Variants in SPATA13 observed in about 807,000 individuals in gnomAD.
SPATA13 encodes the protein spermatogenesis-associated protein 13.
A neutral mutation model predicts 104.0 loss-of-function variants in SPATA13; 50 were observed. The observed-to-expected ratio is 0.48, with a 90% CI of 0.38 to 0.61. SPATA13 has a LOEUF of 0.61. SPATA13 is among the 20% of genes least tolerant of loss of function. The pLI is 0.00. For missense variants in SPATA13, 1,524 were observed against 1,690.6 expected (o/e 0.90, Z 1.73); for synonymous variants, 606 against 667.5 (o/e 0.91, Z 1.42).
chr13:24,300,606 A>C (rs141745793), intron 12 of SPATA13, 131 bp downstream of exon 12: 1 of 814,366 alleles, frequency 1.2e-6, no homozygotes, highest in Non-Finnish European at 2.1e-6. Context: ...ACTCAAGGGC[A>C]GGTCCAGAAC....
chr13:24,081,301 A>G (rs140952285), intron 3 of SPATA13, among the ~76,000 whole-genome samples: 10 of 152,324 alleles, frequency 6.6e-5, no homozygotes, highest in Admixed American at 5.9e-4. Flanking sequence ...CCGGTAATCT[A>G]TATGAGGCCC....
At chr13:24,229,436 A>G (rs1333499649) in intron 2 of SPATA13, among the ~76,000 whole-genome samples, 1 of 152,132 alleles carries the variant, frequency 6.6e-6, no homozygotes, top group Non-Finnish European at 1.5e-5. Context: ...TCTCAAGGGT[A>G]GGATATGGAG....
At chr13:24,074,384 A>G (rs1183592521) in intron 3 of SPATA13, among the ~76,000 whole-genome samples, 9 of 150,494 alleles carry the variant, frequency 6.0e-5, no homozygotes, top group South Asian at 2.1e-4. Flanking sequence ...AATAGACCAC[A>G]TTTTTTTTTT....
intron 2 of SPATA13, 115 bp downstream of exon 2, chr13:24,224,697 G>T (rs1273843658): frequency 8.9e-7 from 1 of 1,122,780 alleles, no homozygotes; most frequent in South Asian, 1.3e-5. Flanking sequence ...TGCTGACCTT[G>T]TTGCCCTTAC....
At chr13:24,279,902 C>T (rs754461267) in intron 4 of SPATA13, among the ~76,000 whole-genome samples, 1 of 152,222 alleles carries the variant, frequency 6.6e-6, no homozygotes, top group Non-Finnish European at 1.5e-5. Flanking sequence ...CACCCATGAG[C>T]GCTTCAAGCC....
At chr13:23,981,631 C>T (rs747565106) in intron 1 of SPATA13, among the ~76,000 whole-genome samples, 10 of 152,158 alleles carry the variant, frequency 6.6e-5, no homozygotes, top group Admixed American at 1.3e-4. Flanking sequence ...ACTTCATTTG[C>T]GTTGTGGGTT....
Position 24,222,909 on chromosome 13 carries a change from G to C in SPATA13, c.-21G>C. 1 of 1,550,482 alleles carries C rather than the reference G, an allele frequency of 6.4e-7. No homozygotes were observed. The highest frequency in any genetic ancestry group is 8.7e-7 in the Non-Finnish European group (1 of 1,146,388). ...TGAAGGCCTGGAGCTGCGGTCTGCG[G>C]ACTCGGCAGTGCCCGTGGCCATGAC... On this transcript the variant is annotated 5_prime_UTR_variant, in exon 2 of 13. Coordinates refer to ENST00000382108, the MANE Select transcript of SPATA13 (RefSeq NM_001166271.3).
intron 4 of SPATA13, among the ~76,000 whole-genome samples, chr13:24,276,650 G>C (rs1555274993): frequency 6.6e-6 from 1 of 152,122 alleles, no homozygotes; most frequent in Non-Finnish European, 1.5e-5. Context: ...AAGGAAGAAA[G>C]AAACAATAAA....
intron 2 of SPATA13, among the ~76,000 whole-genome samples, chr13:24,239,706 A>AT (rs1872741230): frequency 1.4e-5 from 2 of 142,848 alleles, no homozygotes; most frequent in African/African-American, 5.9e-5. Flanking sequence ...AAAAAAAAAA[A>AT]AAAAAAAAAA....
At chr13:24,084,745 T>C (rs912140) in intron 3 of SPATA13, among the ~76,000 whole-genome samples, 3,441 of 152,206 alleles carry the variant, frequency 0.023, 74 homozygotes, top group African/African-American at 0.055. Context: ...AGTGGCGCAG[T>C]GCAGTGGCTC....
chr13:24,173,151 C>T (rs1883052502), intron 1 of SPATA13, among the ~76,000 whole-genome samples: 1 of 152,176 alleles, frequency 6.6e-6, no homozygotes, highest in Non-Finnish European at 1.5e-5. Context: ...GATCTTGGCT[C>T]ACTGCACCCT....
intron 1 of SPATA13, among the ~76,000 whole-genome samples, chr13:24,164,739 T>C (rs1057430062): frequency 4.6e-5 from 7 of 152,144 alleles, no homozygotes; most frequent in Non-Finnish European, 8.8e-5. Flanking sequence ...TCCCTCGGTG[T>C]GTCTGTCTTC....
chr13:24,257,567 T>C (rs1269084536), intron 4 of SPATA13, among the ~76,000 whole-genome samples: 2 of 152,164 alleles, frequency 1.3e-5, no homozygotes, highest in Non-Finnish European at 2.9e-5. Context: ...AAAATGTTTC[T>C]AACTTACTGA....
chr13:24,160,721 A>G lies in SPATA13; in HGVS notation c.-323A>G. The G allele has an allele frequency of 1.0e-6, 1 of 985,110 alleles. No homozygotes were observed. The highest frequency in any genetic ancestry group is 4.7e-5 in the South Asian group (1 of 21,250). The allele number at this position is 985,110 out of a possible 1,614,324, so 61.0% of individuals were successfully genotyped here. A position where few individuals can be genotyped will look rare whatever the true frequency, so the allele number is the denominator to read the frequency against. On this transcript the variant is annotated 5_prime_UTR_variant, in exon 1 of 13. Transcript: ENST00000382108. The stretch of plus-strand genomic sequence containing the variant: ...GCGGGGCTGGGGCGTGGCTTGGCTG[A>G]GTGTGCTGCCGCGGCGCGGGAGGAG...
intron 3 of SPATA13, among the ~76,000 whole-genome samples, chr13:24,024,013 C>T (rs927550915): frequency 2.6e-5 from 4 of 152,170 alleles, no homozygotes; most frequent in African/African-American, 4.8e-5. Context: ...TAGTCCATGA[C>T]GGTGGTGAAT....
At chr13:24,281,551 C>T (rs1314965184) in intron 4 of SPATA13, among the ~76,000 whole-genome samples, 1 of 152,164 alleles carries the variant, frequency 6.6e-6, no homozygotes, top group African/African-American at 2.4e-5. Context: ...CTCAATGTGG[C>T]GTGTGCTGTC....
intron 3 of SPATA13, among the ~76,000 whole-genome samples, chr13:24,053,935 G>T (rs1008586000): frequency 1.3e-5 from 2 of 152,164 alleles, no homozygotes; most frequent in African/African-American, 4.8e-5. Flanking sequence ...TTATTATGGG[G>T]TGTCTATGTG....
At chr13:24,036,414 G>GT (rs2137722359) in intron 3 of SPATA13, among the ~76,000 whole-genome samples, 1 of 152,344 alleles carries the variant, frequency 6.6e-6, no homozygotes, top group African/African-American at 2.4e-5. Context: ...AAAAGGAGGA[G>GT]TATGTAAGCA....
chr13:24,229,747 T>C (rs1428846770), intron 2 of SPATA13, among the ~76,000 whole-genome samples: 1 of 152,196 alleles, frequency 6.6e-6, no homozygotes, highest in Non-Finnish European at 1.5e-5. Flanking sequence ...ATCCAACATT[T>C]ATATTTTCAT....
Sources: allele counts gnomAD v4.1 joint callset (sites outside exome capture counted in the v4.1 genomes callset), GRCh38; gene constraint gnomAD v4.1.1; transcripts MANE v1.5; gene names NCBI Gene and HGNC (gene_info 2026-07-23, HGNC 2026-07-21).